The following ABCC6 variants were observed in gnomAD, a reference collection of about 807,000 sequenced individuals.
The protein encoded by ABCC6 is ATP binding cassette subfamily C member 6.
ABCC6 carries 126 observed loss-of-function variants against 169.5 expected under a neutral mutation model. That is an observed-to-expected ratio of 0.74 (90% confidence interval 0.64 to 0.86). The LOEUF (loss-of-function observed/expected upper bound fraction) is 0.86, where lower values mean the gene tolerates loss of function less well. Ranked by LOEUF, ABCC6 falls within the 40% of genes least tolerant of loss-of-function variation. ABCC6 has a pLI of 0.00. For synonymous variants in ABCC6, 752 were observed against 814.7 expected (o/e 0.92, Z 1.31); for missense variants, 1,733 against 1,927.2 (o/e 0.90, Z 1.89).
At chr16:16,151,903 G>A (rs1377084898) in intron 29 of ABCC6, among the ~76,000 whole-genome samples, 1 of 151,994 alleles carries the variant, frequency 6.6e-6, no homozygotes, top group Non-Finnish European at 1.5e-5. Flanking sequence ...ACATAAAAGT[G>A]TGTGGGTGGC....
rs565961985 is a variant in ABCC6 at position 16,175,864 on chromosome 16, C to T, written c.2666+47G>A. 5 of 1,609,562 alleles carry T rather than the reference C, an allele frequency of 3.1e-6. No individual in the cohort carries two copies. The South Asian group carries it at 5.5e-5, about 18-fold the overall frequency. ...ATGCGGGTGGTCCCTTCAGCTACTT[C>T]AGCTTCAGCCTGTGCCCTTCTGAGT... is the stretch of plus-strand genomic sequence containing the variant. On this transcript the variant is annotated intron_variant, in intron 20 of 30. Transcript: ENST00000205557.
At chr16:16,167,671 G>C (rs1209383825) in intron 22 of ABCC6, among the ~76,000 whole-genome samples, 1 of 152,144 alleles carries the variant, frequency 6.6e-6, no homozygotes, top group Non-Finnish European at 1.5e-5. Context: ...GTTTCACCAT[G>C]TTCGCCAGGC....
At chr16:16,191,024 G>A (rs1481908454) in intron 11 of ABCC6, among the ~76,000 whole-genome samples, 1 of 151,582 alleles carries the variant, frequency 6.6e-6, no homozygotes, top group Non-Finnish European at 1.5e-5. Context: ...TGTGGGCAGG[G>A]TCACTTGGCA....
intron 4 of ABCC6, among the ~76,000 whole-genome samples, chr16:16,216,258 A>G (rs1274630077): frequency 6.6e-6 from 1 of 151,978 alleles, no homozygotes; most frequent in African/African-American, 2.4e-5. Context: ...TTAAATTATT[A>G]TTGACTATAG....
At position 16,152,192 on chromosome 16, in the gene ABCC6, C is replaced by CAAAAAA. The variant is rs61339757; in HGVS notation, c.4209-1426_4209-1421dup. Among the ~76,000 whole-genome samples, 174 of 40,308 alleles carry CAAAAAA rather than the reference C, an allele frequency of 4.3e-3. 24 individuals are homozygous for CAAAAAA. Among genetic ancestry groups the CAAAAAA allele is most frequent in the African/African-American group, 0.018 (153 of 8,358 alleles). The allele number at this position is 40,308 out of a possible 152,430, so 26.4% of individuals were successfully genotyped here. Reference sequence around the variant, plus strand: ...TGGGCGACAGAGCAAGACTCTGTCTCAAAAAAAAAAAAAAAAAAAAAAAGT... The same window carrying CAAAAAA: ...TGGGCGACAGAGCAAGACTCTGTCTCAAAAAAAAAAAAAAAAAAAAAAAAAAAAAGT... On this transcript the variant is annotated intron_variant, in intron 29 of 30. Coordinates refer to ENST00000205557, the MANE Select transcript of ABCC6 (RefSeq NM_001171.6).
intron 11 of ABCC6, among the ~76,000 whole-genome samples, chr16:16,191,405 C>T (rs1435157673): frequency 6.6e-6 from 1 of 152,072 alleles, no homozygotes; most frequent in Admixed American, 6.5e-5. Flanking sequence ...TGTGGCCTCC[C>T]AAAGTGCTGG....
At chr16:16,222,549 AT>A (rs780727081) in intron 1 of ABCC6, among the ~76,000 whole-genome samples, 168 of 145,754 alleles carry the variant, frequency 1.2e-3, no homozygotes, top group African/African-American at 2.3e-3. Flanking sequence ...GGCCTGGCTA[AT>A]TTTTTTTTTT....
chr16:16,219,792 AGCCGG>A, intron 3 of ABCC6, 25 bp downstream of exon 3: 1 of 1,434,462 alleles, frequency 7.0e-7, no homozygotes, highest in Non-Finnish European at 9.6e-7. Context: ...GCTGGGAGGA[AGCCGG>A]GCTCCAGACT....
At chr16:16,155,804 CG>C (rs1339839346) in intron 27 of ABCC6, 1 of 152,308 alleles carries the variant, frequency 6.6e-6, no homozygotes, top group East Asian at 1.9e-4. Flanking sequence ...GTTTAGGCAC[CG>C]GAAGTATAGA....
chr16:16,159,544 C>T lies in ABCC6; in HGVS notation c.3673G>A (p.Asp1225Asn). Residue 1225 changes from aspartate to asparagine, a missense_variant, in exon 26 of 31, where the codon GAC (aspartate) becomes AAC (asparagine). Asp to Asn is a conservative substitution (Grantham distance 23). Coordinates refer to ENST00000205557, the MANE Select transcript of ABCC6 (RefSeq NM_001171.6). ...ACTGACACGATGCTGTTCTCTAGGT[C>T]TGTCCAGTTGCGAACAACCCACTGC... ...TLQWVVRNWT[D>N]LENSIVSVER... is the part of the protein sequence containing the mutation. 6.2e-7 allele frequency: 1 copy of T among 1,614,196 alleles called. No homozygotes were observed. The highest frequency in any genetic ancestry group is 8.5e-7 in the Non-Finnish European group (1 of 1,180,042).
intron 15 of ABCC6, 125 bp from the exon 16 acceptor site, chr16:16,183,055 G>A: frequency 1.4e-6 from 2 of 1,454,450 alleles, no homozygotes; most frequent in South Asian, 2.3e-5. Context: ...CTGTGGGGCT[G>A]TTCTTTTTCC....
intron 13 of ABCC6, among the ~76,000 whole-genome samples, chr16:16,188,225 CAAAAAAA>C (rs34901331): frequency 8.0e-6 from 1 of 125,660 alleles, no homozygotes; most frequent in South Asian, 2.7e-4. Context: ...ACTAAAAATA[CAAAAAAA>C]AAAAAAAAAA....
intron 22 of ABCC6, among the ~76,000 whole-genome samples, chr16:16,168,674 A>T (rs571164693): frequency 1.3e-5 from 2 of 152,276 alleles, no homozygotes; most frequent in East Asian, 3.9e-4. Flanking sequence ...GGGGTTGTTC[A>T]GTATCTCAAC....
chr16:16,182,286 T>C, intron 17 of ABCC6, 126 bp downstream of exon 17: 11 of 1,276,734 alleles, frequency 8.6e-6, no homozygotes, highest in Non-Finnish European at 1.1e-5. Context: ...AGCTGAGCCC[T>C]TTTTCTCCGC....
chr16:16,159,453 G>A (rs772707425), intron 26 of ABCC6, 29 bp downstream of exon 26: 6 of 1,604,534 alleles, frequency 3.7e-6, no homozygotes, highest in Non-Finnish European at 4.3e-6. Context: ...GTCCTTGCTG[G>A]GACCCCCTCC....
intron 22 of ABCC6, among the ~76,000 whole-genome samples, chr16:16,167,883 G>A (rs1243988172): frequency 6.6e-6 from 1 of 152,132 alleles, no homozygotes; most frequent in Non-Finnish European, 1.5e-5. Context: ...ATCAAATGAG[G>A]GATGGAAGTG....
chr16:16,177,031 G>T (rs114073511), intron 19 of ABCC6, among the ~76,000 whole-genome samples: 126 of 152,304 alleles, frequency 8.3e-4, no homozygotes, highest in African/African-American at 2.9e-3. Flanking sequence ...GGTGTAGCTT[G>T]CTAGGCATCA....
rs143100448 is a variant in ABCC6, at chr16:16,185,021, A to G, written c.1881T>C (p.Asp627=). ...SSSSGSAAGK[D]CITIHSATFA... ...AGGTGGCACTGTGTATGGTGATGCA[A>G]TCCTTCCCGGCAGCTGCAGGGCACA... is the stretch of plus-strand genomic sequence containing the variant. Residue 627 remains aspartate, a synonymous_variant, in exon 15 of 31, where the codon GAT becomes GAC. Coordinates refer to ENST00000205557, the MANE Select transcript of ABCC6 (RefSeq NM_001171.6). 5.0e-6 allele frequency: 8 copies of G among 1,613,432 alleles called. No individual in the cohort carries two copies. In the African/African-American group the frequency reaches 9.4e-5, roughly 19 times the overall value.
intron 26 of ABCC6, among the ~76,000 whole-genome samples, chr16:16,158,462 A>G (rs2046618642): frequency 6.8e-6 from 1 of 147,060 alleles, no homozygotes; most frequent in Admixed American, 6.9e-5. Flanking sequence ...TCCATCTCCA[A>G]TCCCATCCCT....
Sources: gnomAD v4.1 joint callset for allele counts (sites outside exome capture counted in the v4.1 genomes callset) on GRCh38, gnomAD v4.1.1 for gene constraint, MANE v1.5 for transcripts, NCBI Gene and HGNC (gene_info 2026-07-23, HGNC 2026-07-21) for gene names.